SORCS1: variants seen among roughly 807,000 people sequenced by gnomAD.
SORCS1 encodes VPS10 domain-containing receptor SorCS1.
A neutral mutation model predicts 146.1 loss-of-function variants in SORCS1; 60 were observed. The observed-to-expected ratio is 0.41, with a 90% CI of 0.33 to 0.51. The LOEUF is 0.51. Among genes scored for constraint, SORCS1 ranks in the 20% least tolerant of loss-of-function variants. The pLI, the probability that SORCS1 is intolerant of heterozygous loss-of-function variation, is 0.21. For missense variants in SORCS1, 1,352 were observed against 1,487.6 expected (o/e 0.91, Z 1.50); for synonymous variants, 637 against 584.0 (o/e 1.09, Z -1.31).
chr10:107,040,408 G>A (rs1420019721), intron 1 of SORCS1, among the ~76,000 whole-genome samples: 2 of 152,152 alleles, frequency 1.3e-5, no homozygotes, highest in Admixed American at 6.5e-5. Context: ...TGGAATCCAA[G>A]TCACATATCC....
intron 2 of SORCS1, among the ~76,000 whole-genome samples, chr10:106,953,175 G>A (rs993944188): frequency 3.3e-5 from 5 of 150,000 alleles, no homozygotes; most frequent in Non-Finnish European, 4.4e-5. Flanking sequence ...GTGTGTGTGT[G>A]CATGCGTGTG....
At chr10:107,173,582 C>T in the SORCS1 span, among the ~76,000 whole-genome samples, 1 of 152,094 alleles carries the variant, frequency 6.6e-6, no homozygotes, top group South Asian at 2.1e-4. Context: ...TTACTTCAAA[C>T]CTTTTCTTTA....
intron 3 of SORCS1, among the ~76,000 whole-genome samples, chr10:106,816,008 C>G (rs1289577538): frequency 1.3e-5 from 2 of 152,192 alleles, no homozygotes; most frequent in Non-Finnish European, 2.9e-5. Flanking sequence ...TTGTCTCAAT[C>G]TGAGTAAACT....
intron 24 of SORCS1, among the ~76,000 whole-genome samples, chr10:106,594,523 C>A (rs540939539): frequency 6.6e-6 from 1 of 152,084 alleles, no homozygotes; most frequent in African/African-American, 2.4e-5. Flanking sequence ...TAAATAAAAA[C>A]CAGACACAGA....
chr10:107,133,983 C>T (rs1967064179), intron 1 of SORCS1, among the ~76,000 whole-genome samples: 1 of 152,206 alleles, frequency 6.6e-6, no homozygotes, highest in Non-Finnish European at 1.5e-5. Context: ...AACTTTGCCA[C>T]AAATTGCTGA....
intron 6 of SORCS1, among the ~76,000 whole-genome samples, chr10:106,724,386 A>G (rs925039515): frequency 6.6e-6 from 1 of 152,058 alleles, no homozygotes. Context: ...GTGCACCTGT[A>G]ATCCCAGCTA....
intron 5 of SORCS1, among the ~76,000 whole-genome samples, chr10:106,732,660 C>T (rs971882231): frequency 7.2e-5 from 11 of 152,188 alleles, no homozygotes; most frequent in South Asian, 2.1e-4. Flanking sequence ...ACTTGGCTTA[C>T]GGCTAGTGTC....
chr10:107,037,737 A>C (rs886804699), intron 1 of SORCS1, among the ~76,000 whole-genome samples: 54 of 152,372 alleles, frequency 3.5e-4, no homozygotes, highest in African/African-American at 1.2e-3. Context: ...AGAGAGGCTA[A>C]TAGGAGAAAC....
intron 2 of SORCS1, among the ~76,000 whole-genome samples, chr10:106,881,196 C>A (rs1950794590): frequency 6.6e-6 from 1 of 151,726 alleles, no homozygotes; most frequent in South Asian, 2.1e-4. Flanking sequence ...GCTTTAGGGA[C>A]AGCTAGACCT....
chr10:106,911,057 C>T (rs1048916463), intron 2 of SORCS1, among the ~76,000 whole-genome samples: 25 of 152,320 alleles, frequency 1.6e-4, no homozygotes, highest in African/African-American at 6.0e-4. Context: ...CTTAAACTCT[C>T]TAAGCTCCAG....
At chr10:106,808,146 A>G (rs1286891025) in intron 3 of SORCS1, among the ~76,000 whole-genome samples, 1 of 152,162 alleles carries the variant, frequency 6.6e-6, no homozygotes, top group Non-Finnish European at 1.5e-5. Flanking sequence ...CGGCCTCCCG[A>G]GTAGCTGGGA....
At chr10:106,577,846 T>G in intron 25 of SORCS1, 1 of 278,496 alleles carries the variant, frequency 3.6e-6, no homozygotes. Flanking sequence ...ATTTATTACC[T>G]TGCCTCTCCA....
rs778424496 is a variant in SORCS1, at chr10:106,650,538, TG to T, written c.2475+1843del. Reference sequence around the variant, plus strand: ...AGGGAGGAAAAAGGCCCTGTATGTGTGCTGCTTCCCTGTGCTTTCCTTCTCC... The same window carrying T: ...AGGGAGGAAAAAGGCCCTGTATGTGTCTGCTTCCCTGTGCTTTCCTTCTCC... On this transcript the variant is annotated intron_variant, in intron 18 of 25. Coordinates refer to ENST00000263054, the MANE Select transcript of SORCS1 (RefSeq NM_052918.5). 6.4e-4 allele frequency among the ~76,000 whole-genome samples: 97 copies of T among 152,334 alleles called. 1 individual carries two copies. The highest frequency in any genetic ancestry group is 6.3e-3 in the Admixed American group (97 of 15,308).
chr10:107,131,727 G>A (rs1246960764), intron 1 of SORCS1, among the ~76,000 whole-genome samples: 1 of 152,148 alleles, frequency 6.6e-6, no homozygotes, highest in African/African-American at 2.4e-5. Context: ...AAAAACAAAA[G>A]TCTCTTTCTT....
At chr10:106,764,065 A>G (rs373799051) in intron 4 of SORCS1, among the ~76,000 whole-genome samples, 29 of 152,246 alleles carry the variant, frequency 1.9e-4, no homozygotes, top group African/African-American at 6.5e-4. Context: ...AATTTATCAG[A>G]GGAATATGTT....
chr10:106,593,018 G>C (rs2133284952), intron 24 of SORCS1, among the ~76,000 whole-genome samples: 1 of 151,568 alleles, frequency 6.6e-6, no homozygotes, highest in East Asian at 1.9e-4. Context: ...GCATGAATCT[G>C]GTCCCAGCTA....
chr10:106,984,394 A>ATTT lies in SORCS1; in HGVS notation c.559-27817_559-27815dup, dbSNP rs34494927. 9.8e-3 allele frequency among the ~76,000 whole-genome samples: 1,313 copies of ATTT among 134,068 alleles called. 38 individuals are homozygous for ATTT. Among genetic ancestry groups the ATTT allele is most frequent in the African/African-American group, 0.029 (1,038 of 35,758 alleles). 88.0% of individuals were successfully genotyped at this position (134,068 alleles called of 152,430 possible). A position where few individuals can be genotyped will look rare whatever the true frequency, so the allele number is the denominator to read the frequency against. On this transcript the variant is annotated intron_variant, in intron 1 of 25. Transcript: ENST00000263054. ...TCTCAGAAATTAAATAGTGATTTCC[A>ATTT]TTTTTTTTTTTTTTTTTGAGACAGA... is the stretch of plus-strand genomic sequence containing the variant.
At chr10:106,885,186 A>G (rs1950948147) in intron 2 of SORCS1, among the ~76,000 whole-genome samples, 1 of 152,034 alleles carries the variant, frequency 6.6e-6, no homozygotes, top group Non-Finnish European at 1.5e-5. Flanking sequence ...GTGCTACAAT[A>G]ATCATATAAT....
At chr10:106,892,108 TA>T (rs1951260379) in intron 2 of SORCS1, among the ~76,000 whole-genome samples, 1 of 152,208 alleles carries the variant, frequency 6.6e-6, no homozygotes, top group South Asian at 2.1e-4. Context: ...TGGCATTTTA[TA>T]ACCTACATGA....
Sources: gnomAD v4.1 joint callset for allele counts (sites outside exome capture counted in the v4.1 genomes callset) on GRCh38, gnomAD v4.1.1 for gene constraint, MANE v1.5 for transcripts, NCBI Gene and HGNC (gene_info 2026-07-23, HGNC 2026-07-21) for gene names.